AHDC1: variants seen among roughly 807,000 people sequenced by gnomAD.
The protein encoded by AHDC1 is AT-hook DNA binding motif containing 1.
AHDC1 carries 7 observed loss-of-function variants against 87.9 expected under a neutral mutation model. The observed-to-expected ratio is 0.08, with a 90% CI of 0.05 to 0.15. The LOEUF is 0.15. AHDC1 is among the 10% of genes least tolerant of loss of function. The pLI, the probability that AHDC1 is intolerant of heterozygous loss-of-function variation, is 1.00. For synonymous variants in AHDC1, 1,051 were observed against 1,006.8 expected (o/e 1.04, Z -0.83); for missense variants, 1,841 against 2,253.2 (o/e 0.82, Z 3.70).
intron 8 of AHDC1, among the ~76,000 whole-genome samples, chr1:27,539,845 C>T (rs141713526): frequency 3.7e-4 from 57 of 152,190 alleles, no homozygotes; most frequent in African/African-American, 1.3e-3. Flanking sequence ...ATCTCCCCAG[C>T]TGTGAGGCAG....
Position 27,549,271 on chromosome 1 carries a change from G to C in AHDC1, c.2845C>G (p.Pro949Ala). Residue 949 changes from proline (P) to alanine (A), a missense_variant, in exon 8 of 9, where the codon CCC becomes GCC. Physicochemically the swap from Pro to Ala is conservative, Grantham distance 27. This residue lies in a region of AHDC1 where 378 missense variants were observed against 399.0 expected (regional missense o/e 0.95). Transcript: ENST00000673934. ...GAGCGGGCCATGGCTGAGGGCGGGG[G>C]CACCAGCTTGGGGAAGGTCTCGGCT... Reference protein sequence around the residue: ...RAAETFPKLVPPPSAMARSPT... With the variant: ...RAAETFPKLVAPPSAMARSPT... 6.2e-7 allele frequency: 1 copy of C among 1,603,478 alleles called. No homozygotes were observed. Among genetic ancestry groups the C allele is most frequent in the Non-Finnish European group, 8.5e-7 (1 of 1,173,036 alleles).
Position 27,551,642 on chromosome 1 carries a change from C to T in AHDC1, c.474G>A (p.Pro158=), listed in dbSNP as rs755956875. The stretch of plus-strand genomic sequence containing the variant: ...AGCTGTACTGTAGGTCGCCGGGTGG[C>T]GGTGCAGGCGGGCGGCTCAGTCGGA... ...GGLRLSRPPA[P]PPGDLQYSFF... The change falls in exon 8 of 9, where the codon CCG becomes CCA. Residue 158 remains proline (P), a synonymous_variant. Coordinates refer to ENST00000673934, the MANE Select transcript of AHDC1 (RefSeq NM_001371928.1). 10 of 1,613,310 alleles carry T rather than the reference C, an allele frequency of 6.2e-6. No homozygotes were observed. The South Asian group carries it at 6.6e-5, about 11-fold the overall frequency.
chr1:27,539,723 C>T (rs1232054365), intron 8 of AHDC1, among the ~76,000 whole-genome samples: 1 of 152,164 alleles, frequency 6.6e-6, no homozygotes, highest in Non-Finnish European at 1.5e-5. Flanking sequence ...GGATTACAGG[C>T]GTGAGCCACC....
At chr1:27,540,635 G>A (rs542025868) in intron 8 of AHDC1, among the ~76,000 whole-genome samples, 1 of 152,170 alleles carries the variant, frequency 6.6e-6, no homozygotes, top group Middle Eastern at 3.4e-3. Context: ...GATAGGAACT[G>A]ACAGGTGGGA....
At position 27,550,196 on chromosome 1, in the gene AHDC1, G is replaced by A; in HGVS notation, c.1920C>T (p.Pro640=). The A allele has an allele frequency of 6.2e-7, 1 of 1,612,734 alleles. No individual in the cohort carries two copies. Among genetic ancestry groups the A allele is most frequent in the Non-Finnish European group, 8.5e-7 (1 of 1,179,770 alleles). ...CCTGGTGCACCGACTCCGGCTCACT[G>A]GGTGTCCAGCAGCGGGGCGGTGAGC... ...GRCSPPRCWT[P]SEPESVHQAP... The change falls in exon 8 of 9, where the codon CCC becomes CCT. Residue 640 remains proline (P), a synonymous_variant. Coordinates refer to ENST00000673934, the MANE Select transcript of AHDC1 (RefSeq NM_001371928.1).
chr1:27,548,179 C>T lies in AHDC1; in HGVS notation c.3937G>A (p.Gly1313Ser), dbSNP rs767395957. 3.5e-5 allele frequency: 57 copies of T among 1,613,622 alleles called. No homozygotes were observed. Among genetic ancestry groups the T allele is most frequent in the East Asian group, 8.9e-5 (4 of 44,888 alleles). ...CTGTCCCCGCTATAGTAGTCCAGGC[C>T]GAGGTCAGGACTGTCCTGGAACAGT... ...NPLFQDSPDL[G>S]LDYYSGDSSM... The change falls in exon 8 of 9, where the codon GGC becomes AGC. Residue 1313 changes from glycine to serine, a missense_variant. Physicochemically the swap from Gly to Ser is moderately conservative, Grantham distance 56 (BLOSUM62 0). Transcript: ENST00000673934.
chr1:27,601,115 C>T (rs1368221271), intron 3 of AHDC1, among the ~76,000 whole-genome samples: 1 of 152,246 alleles, frequency 6.6e-6, no homozygotes, highest in Non-Finnish European at 1.5e-5. Context: ...CCTTCCATCA[C>T]TACCTCAGCC....
At chr1:27,538,367 C>T (rs927002323) in intron 8 of AHDC1, among the ~76,000 whole-genome samples, 19 of 140,720 alleles carry the variant, frequency 1.4e-4, no homozygotes, top group Non-Finnish European at 2.1e-4. Flanking sequence ...CGTGCCACTC[C>T]ACTCCAGCCT....
chr1:27,552,471 T>G (rs2019624449), intron 7 of AHDC1: 1 of 226,370 alleles, frequency 4.4e-6, no homozygotes, highest in African/African-American at 2.3e-5. Context: ...TGATCTCAGC[T>G]CACTGCAACC....
chr1:27,568,698 C>G (rs1477622356), intron 3 of AHDC1, among the ~76,000 whole-genome samples: 1 of 151,754 alleles, frequency 6.6e-6, no homozygotes, highest in Non-Finnish European at 1.5e-5. Flanking sequence ...CCCTTTCCCC[C>G]GGCCGCGGCG....
chr1:27,595,450 CTGTGTGTGTG>C lies in AHDC1; in HGVS notation c.-629+7937_-629+7946del, dbSNP rs372265193. Among the ~76,000 whole-genome samples, 4 of 144,686 alleles carry C rather than the reference CTGTGTGTGTG, an allele frequency of 2.8e-5. No individual in the cohort carries two copies. Among genetic ancestry groups the C allele is most frequent in the East Asian group, 2.0e-4 (1 of 5,002 alleles). The allele number at this position is 144,686 out of a possible 152,430, so 94.9% of individuals were successfully genotyped here. A position where few individuals can be genotyped will look rare whatever the true frequency, so the allele number is the denominator to read the frequency against. ...GGTTGATATGCTGAGGGTGTGATAG[CTGTGTGTGTG>C]TGTGTGTGTGATTGTGTGTGTGTTG... On this transcript the variant is annotated intron_variant, in intron 3 of 8. Coordinates refer to ENST00000673934, the MANE Select transcript of AHDC1 (RefSeq NM_001371928.1). This position sits in a 1 kb window ranked among gnomAD's most constrained non-coding sequence, Gnocchi z 4.0.
At position 27,550,304 on chromosome 1, in the gene AHDC1, G is replaced by A. The variant is rs761429453; in HGVS notation, c.1812C>T (p.Asp604=). 68 of 1,614,096 alleles carry A rather than the reference G, an allele frequency of 4.2e-5. No homozygotes were observed. Among genetic ancestry groups the A allele is most frequent in the Non-Finnish European group, 5.2e-5 (61 of 1,179,984 alleles). ...AGTACTCGGCCTTGCTGTCGTTGGC[G>A]TCTGCTGCATAGGATGGCTGGGGAG... ...LASPQPSYAA[D]ANDSKAEYSD... Residue 604 remains aspartate, a synonymous_variant, in exon 8 of 9, where the codon GAC becomes GAT. Transcript: ENST00000673934.
At chr1:27,573,907 A>G (rs1445525501) in intron 3 of AHDC1, among the ~76,000 whole-genome samples, 1 of 152,176 alleles carries the variant, frequency 6.6e-6, no homozygotes, top group African/African-American at 2.4e-5. Context: ...ACAGACAACA[A>G]ATGGGGCCTT....
At chr1:27,597,973 CGTCTCTCTCCGTCTGTCTGTGTGTGGGT>C (rs1557712338) in intron 3 of AHDC1, among the ~76,000 whole-genome samples, 1 of 152,156 alleles carries the variant, frequency 6.6e-6, no homozygotes, top group Non-Finnish European at 1.5e-5. Flanking sequence ...TCCATCTGTC[CGTCTCTCTCCGTCTGTCTGTGTGTGGGT>C]GTCTCTGTCC....
chr1:27,547,159 G>A lies in AHDC1; in HGVS notation c.*43+102C>T. The A allele has an allele frequency of 1.2e-6, 1 of 805,980 alleles. No individual in the cohort carries two copies. Among genetic ancestry groups the A allele is most frequent in the Non-Finnish European group, 1.9e-6 (1 of 533,632 alleles). The allele number at this position is 805,980 out of a possible 1,614,324, so 49.9% of individuals were successfully genotyped here. A position where few individuals can be genotyped will look rare whatever the true frequency, so the allele number is the denominator to read the frequency against. ...GTCCCCAGCCTTGCCCTTAAATCCT[G>A]CATTTGCTTCCTGCACTCCATACCT... is the stretch of plus-strand genomic sequence containing the variant. On this transcript the variant is annotated intron_variant, in intron 8 of 8. Transcript: ENST00000673934. This position sits in a 1 kb window ranked among gnomAD's most constrained non-coding sequence, Gnocchi z 4.9.
In AHDC1 at chr1:27,555,574, C is replaced by T. The variant is rs541178015; in HGVS notation, c.-224-2389G>A. On this transcript the variant is annotated intron_variant, in intron 5 of 8. Coordinates refer to ENST00000673934, the MANE Select transcript of AHDC1 (RefSeq NM_001371928.1). ...AGTCCAAGAACTTGGAGCACTGTTG[C>T]CCTCACAGGGAGGACAGTGGGTGAC... Among the ~76,000 whole-genome samples the T allele has an allele frequency of 4.6e-5, 7 of 152,330 alleles. No homozygotes were observed. In the East Asian group the frequency reaches 1.2e-3, roughly 25 times the overall value.
rs1475174731 is a variant in AHDC1, at chr1:27,563,536, C to A, written c.-628-4653G>T. On this transcript the variant is annotated intron_variant, in intron 3 of 8. Coordinates refer to ENST00000673934, the MANE Select transcript of AHDC1 (RefSeq NM_001371928.1). The surrounding 1 kb of genome is among the most constrained non-coding windows in gnomAD (Gnocchi z 6.1). ...CCGGCTGCCTTGGACAGGTGACAGC[C>A]CACCTCACCCCTCCCCCATCACTGT... Among the ~76,000 whole-genome samples, 1 of 152,216 alleles carries A rather than the reference C, an allele frequency of 6.6e-6. No individual in the cohort carries two copies. Among genetic ancestry groups the A allele is most frequent in the Non-Finnish European group, 1.5e-5 (1 of 68,034 alleles).
In AHDC1 at chr1:27,549,948, G is replaced by A. The variant is rs144716976; in HGVS notation, c.2168C>T (p.Pro723Leu). Reference sequence around the variant, plus strand: ...TACCTCCCCCCGGCCCCGTTTGCGTGGGTGCCCCAACTCAGTAAGGCCCGG... The same window carrying A: ...TACCTCCCCCCGGCCCCGTTTGCGTAGGTGCCCCAACTCAGTAAGGCCCGG... The part of the protein sequence containing the change: ...GGPGLTELGH[P>L]RKRGRGEVDA... The change falls in exon 8 of 9, where the codon CCA becomes CTA. Residue 723 changes from proline to leucine, a missense_variant. Pro to Leu is a moderately conservative substitution (Grantham distance 98, BLOSUM62 -3). Around this residue, in one of 13 missense-constraint regions of AHDC1, gnomAD observed 236 missense variants for 257.9 expected, o/e 0.92. Transcript: ENST00000673934. 12 of 1,613,008 alleles carry A rather than the reference G, an allele frequency of 7.4e-6. No individual in the cohort carries two copies. The highest frequency in any genetic ancestry group is 1.0e-5 in the Non-Finnish European group (12 of 1,179,596).
At chr1:27,577,087 C>G (rs2088777145) in intron 3 of AHDC1, among the ~76,000 whole-genome samples, 1 of 152,222 alleles carries the variant, frequency 6.6e-6, no homozygotes, top group Non-Finnish European at 1.5e-5. Flanking sequence ...TTCCTGGCTA[C>G]TCTGTCCCTG....
Sources: allele counts gnomAD v4.1 joint callset (sites outside exome capture counted in the v4.1 genomes callset), GRCh38; gene constraint gnomAD v4.1.1; regional missense constraint gnomAD v4.1.1; non-coding constraint Gnocchi (gnomAD v3.1); transcripts MANE v1.5; gene names NCBI Gene and HGNC (gene_info 2026-07-23, HGNC 2026-07-21).